The following TENM2 variants were observed in gnomAD, a reference collection of about 807,000 sequenced individuals.
TENM2 encodes teneurin-2.
A neutral mutation model predicts 245.2 loss-of-function variants in TENM2; 52 were observed. The observed-to-expected ratio is 0.21, with a 90% confidence interval of 0.17 to 0.27. The LOEUF (loss-of-function observed/expected upper bound fraction) is 0.27, where lower values mean the gene tolerates loss of function less well. Ranked by LOEUF, TENM2 falls within the 10% of genes least tolerant of loss-of-function variation. The pLI, the probability that TENM2 is intolerant of heterozygous loss-of-function variation, is 1.00. For synonymous variants in TENM2, 1,363 were observed against 1,438.9 expected, an observed-to-expected ratio of 0.95 and a Z score of 1.19; for missense variants, 3,046 against 3,666.8, an observed-to-expected ratio of 0.83 and a Z score of 4.37.
chr5:168,108,461 T>C (rs181528486), intron 9 of TENM2, among the ~76,000 whole-genome samples: 1 of 152,338 alleles, frequency 6.6e-6, no homozygotes, highest in East Asian at 1.9e-4. Context: ...ATTACATTGC[T>C]GTGAGGTCCA....
intron 9 of TENM2, among the ~76,000 whole-genome samples, chr5:168,099,527 A>T (rs1398123847): frequency 6.6e-6 from 1 of 152,106 alleles, no homozygotes; most frequent in Non-Finnish European, 1.5e-5. Context: ...TTTCTTATTT[A>T]ATTATGCATA....
intron 2 of TENM2, among the ~76,000 whole-genome samples, chr5:167,635,679 C>T (rs944117517): frequency 5.5e-5 from 6 of 108,212 alleles, no homozygotes; most frequent in African/African-American, 2.4e-4. Flanking sequence ...GAGTCTCGCT[C>T]TGTCGCCCAG....
At chr5:167,329,551 CAAAAAAAAAAA>C (rs34165505) in intron 1 of TENM2, among the ~76,000 whole-genome samples, 10 of 21,946 alleles carry the variant, frequency 4.6e-4, no homozygotes, top group Admixed American at 1.8e-3. Context: ...GACTCAGTCT[CAAAAAAAAAAA>C]AAAAAAAAAA....
At chr5:167,539,608 A>G (rs1772066346) in intron 2 of TENM2, among the ~76,000 whole-genome samples, 1 of 152,214 alleles carries the variant, frequency 6.6e-6, no homozygotes, top group South Asian at 2.1e-4. Flanking sequence ...CGGGAAGATG[A>G]GACCTAGGTT....
At chr5:167,684,740 C>T (rs1756961117) in intron 2 of TENM2, among the ~76,000 whole-genome samples, 1 of 152,152 alleles carries the variant, frequency 6.6e-6, no homozygotes, top group African/African-American at 2.4e-5. Context: ...TTATAACTGT[C>T]CTAATAAGAA....
chr5:167,942,984 G>A (rs1779309901), intron 3 of TENM2, among the ~76,000 whole-genome samples: 1 of 152,122 alleles, frequency 6.6e-6, no homozygotes, highest in Non-Finnish European at 1.5e-5. Context: ...CAAAAAGGGG[G>A]TTCTGAAAAT....
chr5:167,565,008 C>G (rs1162467492), intron 2 of TENM2, among the ~76,000 whole-genome samples: 1 of 152,206 alleles, frequency 6.6e-6, no homozygotes, highest in Admixed American at 6.5e-5. Context: ...GGAACTGCCA[C>G]AGGGGCCTAA....
intron 2 of TENM2, among the ~76,000 whole-genome samples, chr5:167,709,489 ACT>A (rs1758762741): frequency 6.6e-6 from 1 of 152,214 alleles, no homozygotes; most frequent in Admixed American, 6.5e-5. Flanking sequence ...TGTCCACAAC[ACT>A]TATAACAGTA....
At chr5:168,124,986 G>C (rs1333891430) in exon 11 of TENM2, 5 of 1,611,028 alleles carry the variant, frequency 3.1e-6, no homozygotes, top group Non-Finnish European at 4.2e-6. Flanking sequence ...GGCATGGCAC[G>C]TACCTGCCTG....
intron 2 of TENM2, among the ~76,000 whole-genome samples, chr5:167,631,749 C>T (rs1219941176): frequency 1.3e-5 from 2 of 152,118 alleles, no homozygotes; most frequent in Non-Finnish European, 2.9e-5. Flanking sequence ...TTGCTTTAAA[C>T]TTCACTTCCT....
chr5:168,010,844 C>T (rs1021366228), intron 5 of TENM2, among the ~76,000 whole-genome samples: 8 of 152,216 alleles, frequency 5.3e-5, no homozygotes, highest in Non-Finnish European at 1.0e-4. Flanking sequence ...AATGCCCCTC[C>T]GCATATTCAA....
At chr5:168,033,313 A>G (rs1787298307) in intron 5 of TENM2, 1 of 152,232 alleles carries the variant, frequency 6.6e-6, no homozygotes, top group African/African-American at 2.4e-5. Flanking sequence ...TTAAGGAAGC[A>G]CTAGAAATGC....
intron 4 of TENM2, among the ~76,000 whole-genome samples, chr5:167,979,543 G>T (rs924694280): frequency 6.6e-6 from 1 of 152,178 alleles, no homozygotes; most frequent in Non-Finnish European, 1.5e-5. Flanking sequence ...CCACTGGGTT[G>T]CTGTGGGAAG....
At chr5:167,779,542 G>A (rs1370080173) in intron 2 of TENM2, among the ~76,000 whole-genome samples, 1 of 152,168 alleles carries the variant, frequency 6.6e-6, no homozygotes, top group Non-Finnish European at 1.5e-5. Flanking sequence ...TGAGAAATGA[G>A]AACATGTTAC....
intron 2 of TENM2, among the ~76,000 whole-genome samples, chr5:167,745,053 C>T (rs765834808): frequency 1.8e-4 from 27 of 152,196 alleles, no homozygotes; most frequent in Non-Finnish European, 4.4e-5. Context: ...CAACAACCAA[C>T]AGCCCCTATA....
intron 5 of TENM2, among the ~76,000 whole-genome samples, chr5:168,034,671 T>C (rs1380715963): frequency 6.6e-6 from 1 of 152,076 alleles, no homozygotes; most frequent in Non-Finnish European, 1.5e-5. Flanking sequence ...CTTGGGAGGC[T>C]AAGGTGGGAG....
intron 2 of TENM2, among the ~76,000 whole-genome samples, chr5:167,553,712 A>C (rs576210250): frequency 2.1e-4 from 32 of 152,346 alleles, no homozygotes; most frequent in Middle Eastern, 3.4e-3. Flanking sequence ...TAATGAGACC[A>C]GCACAAAATC....
At chr5:167,917,627 G>A (rs1465390108) in intron 3 of TENM2, among the ~76,000 whole-genome samples, 2 of 152,028 alleles carry the variant, frequency 1.3e-5, no homozygotes, top group African/African-American at 2.4e-5. Flanking sequence ...CAGGAAATGG[G>A]GATTTTGTGG....
chr5:167,012,596 C>T, the TENM2 span, among the ~76,000 whole-genome samples: 6 of 152,072 alleles, frequency 3.9e-5, no homozygotes, highest in African/African-American at 7.2e-5. Flanking sequence ...GGAATTTTGT[C>T]AAAAGAACTT....
Sources: allele counts gnomAD v4.1 joint callset (sites outside exome capture counted in the v4.1 genomes callset), GRCh38; gene constraint gnomAD v4.1.1; transcripts MANE v1.5; gene names NCBI Gene and HGNC (gene_info 2026-07-23, HGNC 2026-07-21).